PRKD1: variants seen among roughly 807,000 people sequenced by gnomAD.
PRKD1 encodes the protein serine/threonine-protein kinase D1.
PRKD1 carries 63 observed loss-of-function variants against 95.9 expected under a neutral mutation model. That is an observed-to-expected ratio of 0.66 (90% CI 0.54 to 0.81). The LOEUF is 0.81. PRKD1 is among the 30% of genes least tolerant of loss of function. The pLI is 0.00. For missense variants in PRKD1, 1,048 were observed against 1,165.3 expected (o/e 0.90, Z 1.47); for synonymous variants, 425 against 423.1 (o/e 1.00, Z -0.05).
intron 1 of PRKD1, among the ~76,000 whole-genome samples, chr14:29,866,012 A>G (rs1051598406): frequency 6.6e-6 from 1 of 152,232 alleles, no homozygotes; most frequent in African/African-American, 2.4e-5. Flanking sequence ...TAATTTTTAA[A>G]AAATCTATAA....
intron 1 of PRKD1, among the ~76,000 whole-genome samples, chr14:29,748,794 C>A (rs1202066392): frequency 1.3e-5 from 2 of 152,040 alleles, no homozygotes; most frequent in Non-Finnish European, 2.9e-5. Context: ...TCTTAATGTA[C>A]CATGCCATCT....
intron 1 of PRKD1, among the ~76,000 whole-genome samples, chr14:29,757,238 G>A (rs1168158542): frequency 5.3e-5 from 8 of 152,190 alleles, no homozygotes; most frequent in Admixed American, 3.3e-4. Context: ...GCCTGGCCAT[G>A]CAGAGAAACA....
In PRKD1 at chr14:29,759,588, A is replaced by G. The variant is rs1020362551; in HGVS notation, c.265-33914T>C. ...CTTAGCAGTAGTTTAAAAGTTGTGC[A>G]ATTTAGTGATTCTTGGATTAAGTTT... On this transcript the variant is annotated intron_variant, in intron 1 of 17. Transcript: ENST00000331968. 3.9e-5 allele frequency among the ~76,000 whole-genome samples: 6 copies of G among 152,218 alleles called. No individual in the cohort carries two copies. The East Asian group carries it at 5.8e-4, about 15-fold the overall frequency.
chr14:29,676,019 A>AC (rs1411567872), intron 2 of PRKD1, among the ~76,000 whole-genome samples: 1 of 150,774 alleles, frequency 6.6e-6, no homozygotes, highest in African/African-American at 2.4e-5. Context: ...TAGGAGATAT[A>AC]CCTAATGTAA....
intron 1 of PRKD1, among the ~76,000 whole-genome samples, chr14:29,855,154 AT>A (rs1189534387): frequency 2.0e-5 from 3 of 152,190 alleles, no homozygotes; most frequent in African/African-American, 7.2e-5. Flanking sequence ...GAAGGCCACC[AT>A]CCTCCAGACC....
At chr14:29,698,517 T>C (rs947113543) in intron 2 of PRKD1, among the ~76,000 whole-genome samples, 1 of 152,160 alleles carries the variant, frequency 6.6e-6, no homozygotes, top group Non-Finnish European at 1.5e-5. Flanking sequence ...TAAGTTTAAA[T>C]AGTACATAAA....
chr14:29,926,187 T>C (rs536765057), intron 1 of PRKD1, among the ~76,000 whole-genome samples: 6 of 152,328 alleles, frequency 3.9e-5, no homozygotes, highest in African/African-American at 1.2e-4. Context: ...TAGCAAACTC[T>C]GTTACAAATA....
rs1239047817 is a variant in PRKD1 at position 29,837,294 on chromosome 14, G to A, written c.264+89955C>T. ...AACTCTACTAGTTTTAGGTCTTCATGCTTTGCTACAGCATGAAGTACATGA... is the reference window on the plus strand; with the variant it reads ...AACTCTACTAGTTTTAGGTCTTCATACTTTGCTACAGCATGAAGTACATGA... On this transcript the variant is annotated intron_variant, in intron 1 of 17. Transcript: ENST00000331968. Among the ~76,000 whole-genome samples, 4 of 152,102 alleles carry A rather than the reference G, an allele frequency of 2.6e-5. No homozygotes were observed. In the East Asian group the frequency reaches 7.7e-4, roughly 29 times the overall value.
chr14:29,927,203 C>G, intron 1 of PRKD1, 46 bp downstream of exon 1: 1 of 1,450,510 alleles, frequency 6.9e-7, no homozygotes, highest in Non-Finnish European at 9.1e-7. Flanking sequence ...GCAGCGCCCC[C>G]TGCGCCGCGG....
chr14:29,638,981 C>T (rs548790742), intron 4 of PRKD1, 77 bp from the exon 5 acceptor site: 69 of 1,099,054 alleles, frequency 6.3e-5, no homozygotes, highest in South Asian at 4.3e-4. Context: ...TTTAAGATAC[C>T]GGTTTACTCT....
chr14:29,609,557 T>C (rs1249097823), intron 13 of PRKD1, among the ~76,000 whole-genome samples: 2 of 150,870 alleles, frequency 1.3e-5, no homozygotes, highest in African/African-American at 4.9e-5. Flanking sequence ...TTTTAATTTT[T>C]TGAGACAGAG....
intron 1 of PRKD1, among the ~76,000 whole-genome samples, chr14:29,747,591 T>C (rs1043786049): frequency 1.3e-5 from 2 of 152,112 alleles, no homozygotes; most frequent in African/African-American, 2.4e-5. Context: ...TTATGGTATA[T>C]ACATACAACG....
chr14:29,603,724 A>C (rs1047369971), intron 13 of PRKD1, among the ~76,000 whole-genome samples: 7 of 152,202 alleles, frequency 4.6e-5, no homozygotes, highest in Admixed American at 1.3e-4. Flanking sequence ...TGGCAAGAAG[A>C]CTGCAACATC....
At chr14:29,863,627 T>C (rs1892783287) in intron 1 of PRKD1, among the ~76,000 whole-genome samples, 1 of 152,148 alleles carries the variant, frequency 6.6e-6, no homozygotes, top group Non-Finnish European at 1.5e-5. Flanking sequence ...CAAAGTGACA[T>C]ATTATAACTG....
intron 1 of PRKD1, among the ~76,000 whole-genome samples, chr14:29,907,204 A>T (rs776061980): frequency 6.6e-5 from 10 of 152,102 alleles, no homozygotes; most frequent in Admixed American, 1.3e-4. Flanking sequence ...AAGCGACCCA[A>T]ATCTCCGGGG....
chr14:29,859,425 G>A (rs1425458505), intron 1 of PRKD1, among the ~76,000 whole-genome samples: 4 of 152,054 alleles, frequency 2.6e-5, no homozygotes, highest in African/African-American at 4.8e-5. Context: ...TGGCTAACAC[G>A]GTGAAAACCC....
At chr14:29,652,224 G>A (rs772099364) in intron 4 of PRKD1, among the ~76,000 whole-genome samples, 64 of 152,084 alleles carry the variant, frequency 4.2e-4, no homozygotes, top group Non-Finnish European at 8.8e-4. Context: ...GAGTGCTGTG[G>A]AGGTCACGGT....
chr14:29,731,330 T>C (rs1015818604), intron 1 of PRKD1, among the ~76,000 whole-genome samples: 1 of 152,186 alleles, frequency 6.6e-6, no homozygotes, highest in Non-Finnish European at 1.5e-5. Flanking sequence ...TTTAACACTT[T>C]TACATTTCCT....
intron 1 of PRKD1, among the ~76,000 whole-genome samples, chr14:29,751,434 G>A (rs1210780044): frequency 1.3e-5 from 2 of 152,088 alleles, no homozygotes; most frequent in Non-Finnish European, 2.9e-5. Context: ...TGATGCCTCA[G>A]CCTTTATTCA....
Sources: allele counts gnomAD v4.1 joint callset (sites outside exome capture counted in the v4.1 genomes callset), GRCh38; gene constraint gnomAD v4.1.1; transcripts MANE v1.5; gene names NCBI Gene and HGNC (gene_info 2026-07-23, HGNC 2026-07-21).